Variants in MBP observed in about 807,000 individuals in gnomAD.
MBP encodes the protein myelin basic protein.
A neutral mutation model predicts 35.8 loss-of-function variants in MBP; 16 were observed. The ratio of observed to expected loss-of-function variants is 0.45; its 90% CI spans 0.30 to 0.68. MBP has a LOEUF of 0.68. Ranked by LOEUF, MBP falls within the 30% of genes least tolerant of loss-of-function variation. The pLI is 0.08. For missense variants in MBP, 380 were observed against 404.7 expected (o/e 0.94, Z 0.52); for synonymous variants, 143 against 159.6 (o/e 0.90, Z 0.78).
chr18:77,112,639 GGAGAGA>G (rs938487971), intron 1 of MBP: 1 of 152,412 alleles, frequency 6.6e-6, no homozygotes, highest in Non-Finnish European at 1.5e-5. Context: ...TGGAAGGCCG[GGAGAGA>G]GACGGGCGGC....
intron 2 of MBP, among the ~76,000 whole-genome samples, chr18:77,098,814 C>A (rs1312241797): frequency 6.6e-6 from 1 of 152,236 alleles, no homozygotes. Flanking sequence ...GCCTCTGAGT[C>A]TGGGCAGATT....
chr18:77,059,502 AATG>A (rs1404387781), intron 3 of MBP, among the ~76,000 whole-genome samples: 9 of 116,844 alleles, frequency 7.7e-5, no homozygotes, highest in Non-Finnish European at 1.5e-4. Flanking sequence ...ATTTAATTCT[AATG>A]ATAATAATTT....
chr18:76,985,149 CG>C (rs1969473430), intron 7 of MBP: 1 of 1,525,804 alleles, frequency 6.6e-7, no homozygotes, highest in Non-Finnish European at 8.8e-7. Context: ...ATGAGATATG[CG>C]GCCCAACCAC....
At position 77,105,203 on chromosome 18, in the gene MBP, C is replaced by T. The variant is rs371362968; in HGVS notation, c.51+8G>A. ...CATGCACATGTTTCGGATCAGCTCA[C>T]GTCTTACCGTACTGGCCTTCTCGGC... is the stretch of plus-strand genomic sequence containing the variant. On this transcript the variant is annotated splice_region_variant and intron_variant, in intron 2 of 8. Transcript: ENST00000355994. 6.7e-5 allele frequency: 108 copies of T among 1,612,418 alleles called. No individual in the cohort carries two copies. The highest frequency in any genetic ancestry group is 2.8e-5 in the Non-Finnish European group (33 of 1,178,934).
chr18:77,066,170 TTA>T lies in MBP; in HGVS notation c.139+126_139+127del, dbSNP rs1432820134. On this transcript the variant is annotated intron_variant, in intron 3 of 8. Coordinates refer to ENST00000355994, the MANE Select transcript of MBP (RefSeq NM_001025101.2). ...AAGCAATGATCCCAGCCTCTATGTT[TTA>T]GTAATGAGTACAGACAGATCCATGG... The T allele has an allele frequency of 4.4e-6, 3 of 680,016 alleles. No individual in the cohort carries two copies. In the African/African-American group the frequency reaches 5.5e-5, roughly 12 times the overall value. The allele number at this position is 680,016 out of a possible 1,614,324, so 42.1% of individuals were successfully genotyped here.
At chr18:77,026,021 A>G (rs375043150) in intron 3 of MBP, among the ~76,000 whole-genome samples, 117 of 152,346 alleles carry the variant, frequency 7.7e-4, no homozygotes, top group Middle Eastern at 3.4e-3. Flanking sequence ...AGCCTGTGCC[A>G]TGGAACCTGC....
intron 1 of MBP, among the ~76,000 whole-genome samples, chr18:77,122,478 C>T (rs185759004): frequency 2.9e-4 from 44 of 152,128 alleles, no homozygotes; most frequent in African/African-American, 8.2e-4. Context: ...ACAGTGGAGG[C>T]CAAGTGGGAA....
chr18:77,032,564 C>A (rs1052386525), intron 3 of MBP, among the ~76,000 whole-genome samples: 1 of 152,240 alleles, frequency 6.6e-6, no homozygotes, highest in Non-Finnish European at 1.5e-5. Flanking sequence ...CGCGGCCATG[C>A]GCTGGCCAGT....
At chr18:77,091,689 C>T (rs1975531762) in intron 2 of MBP, among the ~76,000 whole-genome samples, 1 of 151,890 alleles carries the variant, frequency 6.6e-6, no homozygotes, top group East Asian at 1.9e-4. Context: ...TGTATACACC[C>T]CCACATCACC....
intron 4 of MBP, chr18:77,003,524 G>C (rs1035104779): frequency 7.9e-5 from 12 of 152,336 alleles, no homozygotes; most frequent in African/African-American, 2.9e-4. Flanking sequence ...CAGAGACAGA[G>C]AGCTCAGGGA....
At chr18:77,074,682 G>A (rs188426247) in intron 2 of MBP, among the ~76,000 whole-genome samples, 12 of 152,192 alleles carry the variant, frequency 7.9e-5, no homozygotes, top group South Asian at 4.1e-4. Flanking sequence ...CAGCTGGGGC[G>A]GAACCAAAGT....
At chr18:76,991,919 G>A (rs1053991995) in intron 4 of MBP, among the ~76,000 whole-genome samples, 6 of 152,198 alleles carry the variant, frequency 3.9e-5, no homozygotes, top group African/African-American at 1.2e-4. Flanking sequence ...CGCTTTTCTG[G>A]GATTTATGGT....
At chr18:77,042,281 GGTCTCCCCGGGGGACCTGACTCTCA>G (rs374772118) in intron 3 of MBP, among the ~76,000 whole-genome samples, 3,458 of 152,108 alleles carry the variant, frequency 0.023, 145 homozygotes, top group African/African-American at 0.079. Context: ...CCTCCTGTTC[GGTCTCCCCGGGGGACCTGACTCTCA>G]GTCTCCCCAG....
intron 3 of MBP, among the ~76,000 whole-genome samples, chr18:77,062,781 A>T (rs1468075716): frequency 6.6e-6 from 1 of 152,208 alleles, no homozygotes; most frequent in Non-Finnish European, 1.5e-5. Context: ...CCTGGCACAA[A>T]CTTCTCAATG....
At chr18:77,070,855 C>T (rs1389470314) in intron 2 of MBP, among the ~76,000 whole-genome samples, 1 of 152,142 alleles carries the variant, frequency 6.6e-6, no homozygotes, top group Non-Finnish European at 1.5e-5. Context: ...CCAGTCACAG[C>T]CAGGACGTCG....
At chr18:77,013,288 G>T in intron 4 of MBP, 8 of 985,416 alleles carry the variant, frequency 8.1e-6, no homozygotes, top group Non-Finnish European at 9.6e-6. Context: ...GATTGAATTT[G>T]GTTCTGTGTG....
intron 3 of MBP, among the ~76,000 whole-genome samples, chr18:77,025,118 G>C (rs1055533914): frequency 6.6e-6 from 1 of 152,168 alleles, no homozygotes; most frequent in African/African-American, 2.4e-5. Flanking sequence ...GGGATTGATG[G>C]AGGAGCTGCC....
At chr18:77,034,081 C>T (rs55964464) in intron 3 of MBP, among the ~76,000 whole-genome samples, 3 of 142,356 alleles carry the variant, frequency 2.1e-5, no homozygotes, top group Admixed American at 7.0e-5. Flanking sequence ...AAAAAGATTA[C>T]CTGGGGCCCT....
chr18:77,041,209 A>C (rs993922908), intron 3 of MBP, among the ~76,000 whole-genome samples: 22 of 152,378 alleles, frequency 1.4e-4, no homozygotes, highest in African/African-American at 5.0e-4. Flanking sequence ...AGAGAAATGC[A>C]AATCAAAACC....
Sources: gnomAD v4.1 joint callset for allele counts (sites outside exome capture counted in the v4.1 genomes callset) on GRCh38, gnomAD v4.1.1 for gene constraint, MANE v1.5 for transcripts, NCBI Gene and HGNC (gene_info 2026-07-23, HGNC 2026-07-21) for gene names.